Variants in FXYD7 observed in about 807,000 individuals in gnomAD.
FXYD7 encodes the protein FXYD domain containing ion transport regulator 7, also known as FXYD domain-containing ion transport regulator 7.
Under a neutral mutation model 15.3 loss-of-function variants are expected in FXYD7, and 7 were observed. The ratio of observed to expected loss-of-function variants is 0.46; its 90% CI spans 0.26 to 0.86. FXYD7 has a LOEUF of 0.86. Ranked by LOEUF, FXYD7 falls within the 40% of genes least tolerant of loss-of-function variation. The pLI is 0.16. For missense variants in FXYD7, 78 were observed against 100.6 expected (o/e 0.78, Z 0.96); for synonymous variants, 39 against 39.3 (o/e 0.99, Z 0.03).
chr19:35,143,476 G>A lies in FXYD7; in HGVS notation c.31+112G>A. ...TAAGGCAAGGGAGTTGGGGGAGGGA[G>A]GTCCGCTCCTCCTGTGGGCGGAAGC... On this transcript the variant is annotated intron_variant, in intron 1 of 5. Transcript: ENST00000270310. This position sits in a 1 kb window ranked among gnomAD's most constrained non-coding sequence, Gnocchi z 4.3. The A allele has an allele frequency of 1.2e-6, 1 of 831,822 alleles. No individual in the cohort carries two copies. 51.5% of individuals were successfully genotyped at this position (831,822 alleles called of 1,614,324 possible).
At chr19:35,148,018 A>AGAAAAAAG in intron 1 of FXYD7, among the ~76,000 whole-genome samples, 1 of 134,106 alleles carries the variant, frequency 7.5e-6, no homozygotes, top group Non-Finnish European at 1.6e-5. Context: ...GAAAGAAAGA[A>AGAAAAAAG]GAAAGAAGGA....
chr19:35,150,474 G>A lies in FXYD7; in HGVS notation c.62-780G>A, dbSNP rs557293680. On this transcript the variant is annotated intron_variant, in intron 2 of 5. Transcript: ENST00000270310. Reference sequence around the variant, plus strand: ...TTCCTATGAAGTAAAATAAAGAAGGGAATGAGATTGGAAAGTGTGGAGGAG... The same window carrying A: ...TTCCTATGAAGTAAAATAAAGAAGGAAATGAGATTGGAAAGTGTGGAGGAG... Among the ~76,000 whole-genome samples the A allele has an allele frequency of 3.9e-5, 6 of 152,322 alleles. No homozygotes were observed. In the South Asian group the frequency reaches 1.0e-3, roughly 26 times the overall value.
At chr19:35,144,506 A>C (rs1412523739) in intron 1 of FXYD7, among the ~76,000 whole-genome samples, 3 of 152,184 alleles carry the variant, frequency 2.0e-5, no homozygotes, top group Admixed American at 6.5e-5. Flanking sequence ...CACTGAGGGC[A>C]GGGGACCAGG....
At chr19:35,153,663 G>A (rs899930516) in intron 5 of FXYD7, among the ~76,000 whole-genome samples, 3 of 152,154 alleles carry the variant, frequency 2.0e-5, no homozygotes, top group Non-Finnish European at 4.4e-5. Flanking sequence ...GTTGGGTCTG[G>A]GGTCGCCAGC....
intron 5 of FXYD7, among the ~76,000 whole-genome samples, chr19:35,151,926 G>A (rs1318756044): frequency 6.6e-6 from 1 of 151,904 alleles, no homozygotes; most frequent in African/African-American, 2.4e-5. Flanking sequence ...ATCACCTGAG[G>A]TCAGGAGATC....
Position 35,143,408 on chromosome 19 carries a change from C to CTG in FXYD7, c.31+45_31+46dup. The CTG allele has an allele frequency of 1.4e-6, 2 of 1,427,932 alleles. No homozygotes were observed. Among genetic ancestry groups the CTG allele is most frequent in the Non-Finnish European group, 1.9e-6 (2 of 1,067,410 alleles). The allele number at this position is 1,427,932 out of a possible 1,614,324, so 88.5% of individuals were successfully genotyped here. A position where few individuals can be genotyped will look rare whatever the true frequency, so the allele number is the denominator to read the frequency against. ...GGGGGTTGCAGGGGGGCTCCGGGAT[C>CTG]TGAGAGCCTAGGAGAGAGGGTGTCG... On this transcript the variant is annotated intron_variant, in intron 1 of 5. Coordinates refer to ENST00000270310, the MANE Select transcript of FXYD7 (RefSeq NM_022006.2). The surrounding 1 kb of genome is among the most constrained non-coding windows in gnomAD (Gnocchi z 4.3).
chr19:35,147,646 G>A (rs928107087), intron 1 of FXYD7, among the ~76,000 whole-genome samples: 1 of 152,164 alleles, frequency 6.6e-6, no homozygotes, highest in Admixed American at 6.5e-5. Flanking sequence ...ACACACACAG[G>A]GAAAACTATT....
chr19:35,149,282 G>C, intron 2 of FXYD7: 1 of 338,982 alleles, frequency 3.0e-6, no homozygotes, highest in South Asian at 2.3e-5. Flanking sequence ...CCACCCCTTT[G>C]CTCATTCATA....
chr19:35,152,699 GA>G (rs2065315852), intron 5 of FXYD7, among the ~76,000 whole-genome samples: 1 of 151,472 alleles, frequency 6.6e-6, no homozygotes, highest in African/African-American at 2.4e-5. Context: ...AGGGGAGGAG[GA>G]TGGGAGGAGG....
At chr19:35,153,032 C>CGTTTTTTTTTT in intron 5 of FXYD7, among the ~76,000 whole-genome samples, 1 of 59,498 alleles carries the variant, frequency 1.7e-5, no homozygotes, top group Non-Finnish European at 3.2e-5. Flanking sequence ...GTTTCACGTT[C>CGTTTTTTTTTT]CTTTTTTTTT....
intron 5 of FXYD7, among the ~76,000 whole-genome samples, chr19:35,153,022 G>A (rs1172825663): frequency 2.2e-5 from 1 of 45,360 alleles, no homozygotes; most frequent in Non-Finnish European, 4.5e-5. Context: ...TGTGGAATTT[G>A]TTTCACGTTC....
chr19:35,152,190 G>A (rs2065313763), intron 5 of FXYD7, among the ~76,000 whole-genome samples: 1 of 148,484 alleles, frequency 6.7e-6, no homozygotes, highest in South Asian at 2.1e-4. Flanking sequence ...AAGGGAGGGA[G>A]GGAGGGAAAA....
At chr19:35,144,714 C>T (rs966113900) in intron 1 of FXYD7, among the ~76,000 whole-genome samples, 2 of 151,932 alleles carry the variant, frequency 1.3e-5, no homozygotes, top group African/African-American at 2.4e-5. Context: ...GCAGGCCTGG[C>T]GGGAGCCCAG....
intron 1 of FXYD7, 42 bp from the exon 2 acceptor site, chr19:35,148,652 G>GTTTTTTTTTTTTTTTTT (rs770542537): frequency 7.4e-7 from 1 of 1,356,798 alleles, no homozygotes. Context: ...ACACTGTTAA[G>GTTTTTTTTTTTTTTTTT]TTTTTTTTTT....
rs1349634733 is a variant in FXYD7, at chr19:35,151,457, A to G, written c.154A>G (p.Arg52Gly). The G allele has an allele frequency of 1.2e-6, 2 of 1,614,048 alleles. No individual in the cohort carries two copies. Among genetic ancestry groups the G allele is most frequent in the Non-Finnish European group, 1.7e-6 (2 of 1,180,028 alleles). The change falls in exon 4 of 6, where the codon AGG becomes GGG. Residue 52 changes from arginine (R) to glycine (G), a missense_variant. By Grantham distance (125) the Arg-to-Gly change is moderately radical. Coordinates refer to ENST00000270310, the MANE Select transcript of FXYD7 (RefSeq NM_022006.2). ...CCCAACAGGCAAGAAGGTGAAGTGCAGGAAGGCGGACTCCAGGTCTGAGAG... is the reference window on the plus strand; with the variant it reads ...CCCAACAGGCAAGAAGGTGAAGTGCGGGAAGGCGGACTCCAGGTCTGAGAG... ...LIVISKKVKC[R>G]KADSRSESPT...
In FXYD7 at chr19:35,152,134, CAAA is replaced by C. The variant is rs71167517; in HGVS notation, c.220+480_220+482del. 5.5e-3 allele frequency among the ~76,000 whole-genome samples: 248 copies of C among 45,126 alleles called. 2 individuals are homozygous for C. Among genetic ancestry groups the C allele is most frequent in the African/African-American group, 0.018 (204 of 11,506 alleles). The allele number at this position is 45,126 out of a possible 152,430, so 29.6% of individuals were successfully genotyped here. On this transcript the variant is annotated intron_variant, in intron 5 of 5. Coordinates refer to ENST00000270310, the MANE Select transcript of FXYD7 (RefSeq NM_022006.2). ...AGCCTGGGTGATAGAGTGAGACTGT[CAAA>C]AAAAAAAAAAAAAAAAAAGAGGAAG...
chr19:35,151,706 GT>G (rs2065310876), intron 5 of FXYD7, 33 bp downstream of exon 5: 2 of 1,361,750 alleles, frequency 1.5e-6, no homozygotes, highest in Non-Finnish European at 2.0e-6. Flanking sequence ...TTCTGGGAGA[GT>G]TTTAGGTGGG....
chr19:35,152,134 CAAAA>C (rs71167517), intron 5 of FXYD7, among the ~76,000 whole-genome samples: 839 of 45,118 alleles, frequency 0.019, 11 homozygotes, highest in African/African-American at 0.068. Flanking sequence ...GTGAGACTGT[CAAAA>C]AAAAAAAAAA....
intron 4 of FXYD7, 24 bp downstream of exon 4, chr19:35,151,506 C>A: frequency 6.2e-7 from 1 of 1,612,814 alleles, no homozygotes. Flanking sequence ...GGGCAAAGAG[C>A]GGGAGGGGGC....
Sources: gnomAD v4.1 joint callset for allele counts (sites outside exome capture counted in the v4.1 genomes callset) on GRCh38, gnomAD v4.1.1 for gene constraint, Gnocchi (gnomAD v3.1) non-coding constraint, MANE v1.5 for transcripts, NCBI Gene and HGNC (gene_info 2026-07-23, HGNC 2026-07-21) for gene names.